The following DMD variants were observed in gnomAD, a reference collection of about 807,000 sequenced individuals.
The protein encoded by DMD is dystrophin, also known as mutant dystrophin.
Under a neutral mutation model 330.1 loss-of-function variants are expected in DMD, and 63 were observed. The observed-to-expected ratio is 0.19, with a 90% CI of 0.16 to 0.24. The LOEUF (loss-of-function observed/expected upper bound fraction) is 0.24. Among genes scored for constraint, DMD ranks in the 10% least tolerant of loss-of-function variants. The pLI is 1.00. For missense variants in DMD, 3,344 were observed against 2,684.1 expected, an observed-to-expected ratio of 1.25 and a Z score of -5.43; for synonymous variants, 1,223 against 959.8, an observed-to-expected ratio of 1.27 and a Z score of -5.07.
At chrX:31,821,998 C>G (rs985997975) in intron 49 of DMD, among the ~76,000 whole-genome samples, 8 of 112,062 alleles carry the variant, frequency 7.1e-5, no homozygotes, top group African/African-American at 2.6e-4. Flanking sequence ...TTCAATGAAA[C>G]CATTACTTTA....
chrX:31,762,046 C>T (rs1372322211), intron 51 of DMD, among the ~76,000 whole-genome samples: 1 of 112,191 alleles, frequency 8.9e-6, no homozygotes, highest in Non-Finnish European at 1.9e-5. Flanking sequence ...TTAAAACACT[C>T]AATCCTCCCA....
At chrX:32,456,389 T>C (rs1238504465) in intron 25 of DMD, among the ~76,000 whole-genome samples, 1 of 111,147 alleles carries the variant, frequency 9.0e-6, no homozygotes, top group African/African-American at 3.3e-5. Flanking sequence ...GAACCTATAA[T>C]AAACTTAAGA....
chrX:31,413,814 C>T (rs770679054), intron 60 of DMD, among the ~76,000 whole-genome samples: 51 of 107,922 alleles, frequency 4.7e-4, no homozygotes, highest in Non-Finnish European at 8.4e-4. Context: ...AATTCAGATA[C>T]ACTGCTGCAG....
chrX:31,467,223 G>C (rs1307249374), intron 59 of DMD, among the ~76,000 whole-genome samples: 2 of 111,361 alleles, frequency 1.8e-5, no homozygotes, highest in Admixed American at 9.6e-5. Context: ...TGGTGGGAGA[G>C]GGCATCCTTG....
chrX:32,630,096 T>C (rs771677100), intron 11 of DMD, among the ~76,000 whole-genome samples: 7 of 112,099 alleles, frequency 6.2e-5, no homozygotes, highest in East Asian at 2.8e-4. Flanking sequence ...GAACGCCCTT[T>C]ACCATTTCTT....
intron 60 of DMD, among the ~76,000 whole-genome samples, chrX:31,411,711 G>A (rs1284722399): frequency 1.8e-5 from 2 of 110,938 alleles, no homozygotes; most frequent in Non-Finnish European, 3.8e-5. Flanking sequence ...TCGGCTCACT[G>A]TAACCTTGGC....
intron 2 of DMD, among the ~76,000 whole-genome samples, chrX:32,945,775 G>C (rs755803229): frequency 2.4e-4 from 27 of 111,303 alleles, no homozygotes; most frequent in East Asian, 2.8e-4. Flanking sequence ...AAAAAGTATT[G>C]TATATTTTTT....
chrX:33,332,436 T>C (rs2054193715), intron 1 of DMD, among the ~76,000 whole-genome samples: 1 of 111,821 alleles, frequency 8.9e-6, no homozygotes, highest in South Asian at 3.7e-4. Context: ...CATGTGCAGA[T>C]ATAACATGTT....
chrX:32,879,546 C>CA (rs758452974), intron 2 of DMD, among the ~76,000 whole-genome samples: 1 of 112,251 alleles, frequency 8.9e-6, no homozygotes, highest in South Asian at 3.7e-4. Context: ...GTCGTTCATT[C>CA]AAAAAATATT....
At chrX:31,463,742 A>G (rs949726833) in intron 59 of DMD, among the ~76,000 whole-genome samples, 1 of 111,905 alleles carries the variant, frequency 8.9e-6, no homozygotes, top group Admixed American at 9.6e-5. Flanking sequence ...TGGTACATGC[A>G]CATGTATACA....
intron 7 of DMD, among the ~76,000 whole-genome samples, chrX:32,721,765 C>T (rs1011044537): frequency 4.5e-5 from 5 of 110,781 alleles, no homozygotes; most frequent in Non-Finnish European, 7.6e-5. Context: ...CTTGCAAAGG[C>T]GACTGTCAGA....
At chrX:32,368,806 G>A (rs1603631833) in intron 34 of DMD, among the ~76,000 whole-genome samples, 1 of 111,792 alleles carries the variant, frequency 8.9e-6, no homozygotes, top group South Asian at 3.7e-4. Context: ...GAAGTGGAGA[G>A]GGTTCTAGAA....
intron 1 of DMD, among the ~76,000 whole-genome samples, chrX:33,081,052 C>T (rs72626074): frequency 0.15 from 16,451 of 108,776 alleles, 1,259 homozygotes; most frequent in African/African-American, 0.28. Flanking sequence ...ACTGATAAGA[C>T]TTTTTATTTG....
At chrX:32,600,351 C>A (rs73461783) in intron 12 of DMD, among the ~76,000 whole-genome samples, 1,386 of 111,152 alleles carry the variant, frequency 0.012, 23 homozygotes, top group Admixed American at 0.031. Context: ...AATAATTAAT[C>A]GAAAGGCAGT....
chrX:32,442,930 C>T (rs111264609), intron 27 of DMD, among the ~76,000 whole-genome samples: 4,626 of 110,396 alleles, frequency 0.042, 232 homozygotes, highest in African/African-American at 0.14. Flanking sequence ...TGAAATTAAG[C>T]ACAATTGTTT....
At chrX:32,722,063 T>C (rs2066377104) in intron 7 of DMD, among the ~76,000 whole-genome samples, 1 of 110,757 alleles carries the variant, frequency 9.0e-6, no homozygotes, top group Admixed American at 9.7e-5. Flanking sequence ...ACTGTAGATT[T>C]ATGATATAAT....
intron 55 of DMD, among the ~76,000 whole-genome samples, chrX:31,556,548 T>C (rs1603366442): frequency 9.4e-6 from 1 of 106,436 alleles, no homozygotes. Flanking sequence ...TTGAAATGGA[T>C]TGACTTCTGA....
intron 55 of DMD, among the ~76,000 whole-genome samples, chrX:31,521,637 C>G (rs894944744): frequency 1.9e-4 from 21 of 112,078 alleles, no homozygotes; most frequent in African/African-American, 5.5e-4. Flanking sequence ...AGTGCTTTAC[C>G]ATGGACAAAT....
chrX:32,652,085 T>A (rs1312574505), intron 9 of DMD, among the ~76,000 whole-genome samples: 1 of 111,789 alleles, frequency 8.9e-6, no homozygotes, highest in Non-Finnish European at 1.9e-5. Context: ...TTTTAGTTTT[T>A]AAAAATCTCA....
Sources: allele counts gnomAD v4.1 joint callset (sites outside exome capture counted in the v4.1 genomes callset), GRCh38; gene constraint gnomAD v4.1.1; transcripts MANE v1.5; gene names NCBI Gene and HGNC (gene_info 2026-07-23, HGNC 2026-07-21).